The following SNTG1 variants were observed in gnomAD, a reference collection of about 807,000 sequenced individuals.
SNTG1 encodes syntrophin gamma 1, also known as gamma-1-syntrophin.
A neutral mutation model predicts 74.7 loss-of-function variants in SNTG1; 39 were observed. The observed-to-expected ratio is 0.52, with a 90% CI of 0.40 to 0.68. The LOEUF (loss-of-function observed/expected upper bound fraction) is 0.68. SNTG1 is among the 30% of genes least tolerant of loss of function. The pLI is 0.00. For missense variants in SNTG1, 685 were observed against 609.5 expected, an observed-to-expected ratio of 1.12 and a Z score of -1.30; for synonymous variants, 254 against 217.1, an observed-to-expected ratio of 1.17 and a Z score of -1.49.
intron 1 of SNTG1, among the ~76,000 whole-genome samples, chr8:49,969,385 A>ATATTT (rs1811434626): frequency 8.6e-6 from 1 of 116,628 alleles, no homozygotes; most frequent in Non-Finnish European, 1.7e-5. Context: ...AATTCATTTA[A>ATATTT]TCTTTTTTTT....
intron 1 of SNTG1, among the ~76,000 whole-genome samples, chr8:50,109,432 A>G (rs1320984539): frequency 1.3e-5 from 2 of 152,132 alleles, no homozygotes; most frequent in African/African-American, 4.8e-5. Flanking sequence ...CAGCACCTCA[A>G]TGGAGAGTAT....
chr8:50,710,401 T>C (rs2095458289), intron 17 of SNTG1, among the ~76,000 whole-genome samples: 1 of 152,112 alleles, frequency 6.6e-6, no homozygotes. Flanking sequence ...GATAAATTAA[T>C]TGAATTATTA....
intron 18 of SNTG1, among the ~76,000 whole-genome samples, chr8:50,784,877 A>G (rs1445246492): frequency 1.3e-5 from 2 of 152,186 alleles, no homozygotes; most frequent in African/African-American, 4.8e-5. Context: ...CAATGGAATA[A>G]AATTAGAAAT....
chr8:50,500,236 T>G (rs541992359), intron 8 of SNTG1, among the ~76,000 whole-genome samples: 1 of 151,736 alleles, frequency 6.6e-6, no homozygotes, highest in Non-Finnish European at 1.5e-5. Flanking sequence ...TTTTCTTTTT[T>G]TTTTTTGGTC....
intron 2 of SNTG1, among the ~76,000 whole-genome samples, chr8:50,345,861 T>C (rs865948353): frequency 6.6e-6 from 1 of 152,236 alleles, no homozygotes; most frequent in African/African-American, 2.4e-5. Context: ...TCATTTTGAC[T>C]GCATTTATCT....
At chr8:50,096,409 C>T (rs149530570) in intron 1 of SNTG1, among the ~76,000 whole-genome samples, 42 of 152,114 alleles carry the variant, frequency 2.8e-4, no homozygotes, top group African/African-American at 9.2e-4. Context: ...ATAGAAGTGG[C>T]GAGTATAATT....
intron 1 of SNTG1, among the ~76,000 whole-genome samples, chr8:50,013,689 A>G (rs1816044383): frequency 6.6e-6 from 1 of 152,264 alleles, no homozygotes; most frequent in Non-Finnish European, 1.5e-5. Context: ...TACGGTAATG[A>G]GATCAGAATA....
chr8:50,576,450 G>A (rs2094577491), intron 12 of SNTG1, among the ~76,000 whole-genome samples: 1 of 152,056 alleles, frequency 6.6e-6, no homozygotes, highest in Non-Finnish European at 1.5e-5. Flanking sequence ...ATTCGGGAGG[G>A]CCCTTGAGAT....
chr8:50,359,099 G>A (rs1380840681), intron 2 of SNTG1, among the ~76,000 whole-genome samples: 1 of 152,146 alleles, frequency 6.6e-6, no homozygotes, highest in Admixed American at 6.5e-5. Context: ...CTGTCTCCTT[G>A]TGCCTTTGCT....
intron 1 of SNTG1, among the ~76,000 whole-genome samples, chr8:49,983,628 A>G (rs1303758964): frequency 6.6e-6 from 1 of 152,192 alleles, no homozygotes; most frequent in African/African-American, 2.4e-5. Context: ...CTTGCCCTGG[A>G]TAGCCCTGAC....
chr8:50,131,862 C>T (rs970765306), intron 1 of SNTG1, among the ~76,000 whole-genome samples: 2 of 151,910 alleles, frequency 1.3e-5, no homozygotes, highest in Non-Finnish European at 2.9e-5. Context: ...TATATATATA[C>T]AATATATATA....
intron 2 of SNTG1, among the ~76,000 whole-genome samples, chr8:50,261,240 A>C (rs1208038868): frequency 6.6e-6 from 1 of 152,176 alleles, no homozygotes; most frequent in African/African-American, 2.4e-5. Context: ...AGCAAGAAGA[A>C]AATCAAGTAA....
At chr8:50,017,715 T>C (rs1389013257) in intron 1 of SNTG1, among the ~76,000 whole-genome samples, 1 of 151,864 alleles carries the variant, frequency 6.6e-6, no homozygotes, top group Non-Finnish European at 1.5e-5. Context: ...GATATATGAT[T>C]ATAAACATAT....
intron 2 of SNTG1, among the ~76,000 whole-genome samples, chr8:50,251,103 T>C (rs764410549): frequency 1.3e-5 from 2 of 151,928 alleles, no homozygotes; most frequent in Admixed American, 6.6e-5. Flanking sequence ...GGAAAAAAAG[T>C]CTATAGTATT....
intron 5 of SNTG1, among the ~76,000 whole-genome samples, chr8:50,439,503 G>A (rs1249856627): frequency 1.3e-5 from 2 of 151,966 alleles, no homozygotes; most frequent in Non-Finnish European, 2.9e-5. Context: ...GTAGAAATCA[G>A]TATGCAATAG....
chr8:50,630,231 A>G (rs1025873496), intron 13 of SNTG1, among the ~76,000 whole-genome samples: 4 of 152,138 alleles, frequency 2.6e-5, no homozygotes, highest in Non-Finnish European at 5.9e-5. Flanking sequence ...AGTGATAAAG[A>G]AAGAATATCA....
intron 1 of SNTG1, among the ~76,000 whole-genome samples, chr8:49,996,111 T>C (rs1430384699): frequency 6.6e-6 from 1 of 152,124 alleles, no homozygotes; most frequent in African/African-American, 2.4e-5. Flanking sequence ...AATTTTTTGG[T>C]TTGTCTTTTT....
At chr8:50,175,122 T>G (rs1475956512) in intron 2 of SNTG1, among the ~76,000 whole-genome samples, 1 of 152,130 alleles carries the variant, frequency 6.6e-6, no homozygotes, top group East Asian at 1.9e-4. Flanking sequence ...TTGTTGGACA[T>G]TTGGGTTGGT....
chr8:50,112,094 C>G (rs1338559737), intron 1 of SNTG1, among the ~76,000 whole-genome samples: 1 of 151,984 alleles, frequency 6.6e-6, no homozygotes, highest in Non-Finnish European at 1.5e-5. Context: ...TCAGAAAACA[C>G]ATGATTTTTT....
Sources: allele counts gnomAD v4.1 joint callset (sites outside exome capture counted in the v4.1 genomes callset), GRCh38; gene constraint gnomAD v4.1.1; transcripts MANE v1.5; gene names NCBI Gene and HGNC (gene_info 2026-07-23, HGNC 2026-07-21).